PLA2G4E: variants seen among roughly 807,000 people sequenced by gnomAD.
PLA2G4E encodes the protein phospholipase A2 group IVE, also known as cytosolic phospholipase A2 epsilon.
Under a neutral mutation model 109.1 loss-of-function variants are expected in PLA2G4E, and 84 were observed. The observed-to-expected ratio is 0.77, with a 90% CI of 0.65 to 0.92. The LOEUF is 0.92. Among genes scored for constraint, PLA2G4E ranks in the 40% least tolerant of loss-of-function variants. The pLI is 0.00. For missense variants in PLA2G4E, 1,057 were observed against 1,076.6 expected (o/e 0.98, Z 0.25); for synonymous variants, 469 against 436.1 (o/e 1.08, Z -0.94).
At chr15:42,040,164 C>T (rs1044022694) in intron 1 of PLA2G4E, among the ~76,000 whole-genome samples, 11 of 151,740 alleles carry the variant, frequency 7.2e-5, no homozygotes, top group East Asian at 1.9e-4. Flanking sequence ...AGTGAGACCC[C>T]CTCCATCATT....
At chr15:42,001,047 G>T (rs908607102) in intron 7 of PLA2G4E, 110 bp downstream of exon 7, 8 of 1,121,186 alleles carry the variant, frequency 7.1e-6, no homozygotes, top group Middle Eastern at 2.9e-4. Context: ...CCGAGCTTTT[G>T]GTCCCCCTGA....
intron 4 of PLA2G4E, among the ~76,000 whole-genome samples, chr15:42,005,428 C>T (rs2141047706): frequency 6.6e-6 from 1 of 152,358 alleles, no homozygotes; most frequent in Non-Finnish European, 1.5e-5. Context: ...ACTTTCCCCA[C>T]CAGAATGTAA....
Position 42,007,790 on chromosome 15 carries a change from G to T in PLA2G4E, c.332C>A (p.Ser111Tyr), listed in dbSNP as rs772522673. Reference sequence around the variant, plus strand: ...ATTCCACTCTGGATTTGGGCAGTTGGAGATGGTCCTTGTCCTCAGCTTCTT... The same window carrying T: ...ATTCCACTCTGGATTTGGGCAGTTGTAGATGGTCCTTGTCCTCAGCTTCTT... The change falls in exon 3 of 20, where the codon TCC becomes TAC. Residue 111 changes from serine (S) to tyrosine (Y), a missense_variant. Transcript: ENST00000399518. 15 of 1,612,328 alleles carry T rather than the reference G, an allele frequency of 9.3e-6. No homozygotes were observed. In the East Asian group the frequency reaches 3.1e-4, roughly 34 times the overall value.
At chr15:42,018,792 T>G (rs1228058067) in intron 1 of PLA2G4E, among the ~76,000 whole-genome samples, 4 of 152,100 alleles carry the variant, frequency 2.6e-5, no homozygotes, top group Non-Finnish European at 5.9e-5. Flanking sequence ...TACTGGGGAC[T>G]GGGGGACCTT....
In PLA2G4E at chr15:42,013,675, G is replaced by T. The variant is rs188143557; in HGVS notation, c.256+10C>A. ...AAGCAGAGAAGGAGAGAAGTGAGGT[G>T]GATACTCACGCATATCAGCCTGCCG... On this transcript the variant is annotated intron_variant, in intron 2 of 19. Transcript: ENST00000399518. 426 of 1,548,346 alleles carry T rather than the reference G, an allele frequency of 2.8e-4. 1 individual carries two copies. The highest frequency in any genetic ancestry group is 2.9e-4 in the Non-Finnish European group (332 of 1,144,962).
rs544494728 is a variant in PLA2G4E, at chr15:41,989,946, A to AT, written c.1585+174dup. Among the ~76,000 whole-genome samples, 7 of 152,296 alleles carry AT rather than the reference A, an allele frequency of 4.6e-5. No individual in the cohort carries two copies. In the East Asian group the frequency reaches 1.4e-3, roughly 29 times the overall value. ...CAGACAGTGCCTGCCGGCCTCACCC[A>AT]TGCAGCAGGGCAGATTGGGGTAGCA... On this transcript the variant is annotated intron_variant, in intron 14 of 19. Transcript: ENST00000399518.
chr15:41,992,360 C>T (rs2068263967), intron 13 of PLA2G4E, among the ~76,000 whole-genome samples: 3 of 152,090 alleles, frequency 2.0e-5, no homozygotes, highest in South Asian at 2.1e-4. Flanking sequence ...GGGATGCTGC[C>T]GCCTGACCTT....
At chr15:41,989,482 G>A (rs769124346) in exon 15 of PLA2G4E, 14 of 1,613,858 alleles carry the variant, frequency 8.7e-6, no homozygotes, top group African/African-American at 2.7e-5. Flanking sequence ...ACTCGGAGCC[G>A]AAGAGCTCGG....
intron 19 of PLA2G4E, 48 bp from the exon 20 acceptor site, chr15:41,984,022 G>T: frequency 6.6e-7 from 1 of 1,517,604 alleles, no homozygotes; most frequent in Non-Finnish European, 9.0e-7. Flanking sequence ...TGTTAGGTTG[G>T]AATGACTTGT....
rs368387173 is a variant in PLA2G4E, at chr15:41,984,639, G to A, written c.2203-20C>T. ...CAGGGGCTGGAACAGCACAGAGGGC[G>A]TGTTTGAGCATTAGGAGGAGTGGGA... On this transcript the variant is annotated intron_variant, in intron 18 of 19. Coordinates refer to ENST00000399518, the Ensembl canonical transcript of PLA2G4E. 3.2e-6 allele frequency: 5 copies of A among 1,555,454 alleles called. No individual in the cohort carries two copies. The highest frequency in any genetic ancestry group is 4.5e-5 in the East Asian group (2 of 43,970).
At chr15:42,024,976 G>A (rs538896310) in intron 1 of PLA2G4E, among the ~76,000 whole-genome samples, 110 of 152,106 alleles carry the variant, frequency 7.2e-4, no homozygotes, top group African/African-American at 2.6e-3. Context: ...TGAGGTGGGT[G>A]GATCACGAGG....
Position 41,987,161 on chromosome 15 carries a change from G to C in PLA2G4E, c.2035+11C>G. On this transcript the variant is annotated intron_variant, in intron 17 of 19. Transcript: ENST00000399518. ...GGAGGCAGGCCTCAAGGAGTAGCCA[G>C]GTAGGGTTACCTTTCCACCTAGAGA... The C allele has an allele frequency of 1.2e-6, 2 of 1,609,372 alleles. No homozygotes were observed. Among genetic ancestry groups the C allele is most frequent in the Non-Finnish European group, 1.7e-6 (2 of 1,175,738 alleles).
intron 1 of PLA2G4E, among the ~76,000 whole-genome samples, chr15:42,015,324 G>C (rs2068578202): frequency 6.6e-6 from 1 of 152,076 alleles, no homozygotes; most frequent in Non-Finnish European, 1.5e-5. Flanking sequence ...CATCCTTCCT[G>C]CCTACCGAGG....
Position 41,997,107 on chromosome 15 carries a change from C to T in PLA2G4E, c.1110+17G>A. On this transcript the variant is annotated intron_variant, in intron 11 of 19. Coordinates refer to ENST00000399518, the Ensembl canonical transcript of PLA2G4E. ...GGACCAGCTGGGCCCAGGCTGGCCACATCCCTGATTACCCACCTCGTCCTC... is the reference window on the plus strand; with the variant it reads ...GGACCAGCTGGGCCCAGGCTGGCCATATCCCTGATTACCCACCTCGTCCTC... The T allele has an allele frequency of 6.4e-7, 1 of 1,552,114 alleles. No homozygotes were observed. Among genetic ancestry groups the T allele is most frequent in the South Asian group, 1.2e-5 (1 of 82,756 alleles).
intron 1 of PLA2G4E, among the ~76,000 whole-genome samples, chr15:42,018,429 A>G (rs1668562): frequency 0.72 from 109,195 of 152,030 alleles, 40,043 homozygotes; most frequent in Non-Finnish European, 0.79. Flanking sequence ...GAGTCAAACT[A>G]TTTAAGAACA....
exon 16 of PLA2G4E, chr15:41,988,104 T>C: frequency 3.1e-6 from 5 of 1,608,218 alleles, no homozygotes; most frequent in Non-Finnish European, 4.2e-6. Flanking sequence ...CCGAGGTGTG[T>C]GACAGGTTCC....
chr15:42,019,177 C>T (rs141490303), intron 1 of PLA2G4E, among the ~76,000 whole-genome samples: 41 of 152,326 alleles, frequency 2.7e-4, no homozygotes, highest in African/African-American at 9.1e-4. Flanking sequence ...TATGAATGTA[C>T]AGCACCAGCT....
At chr15:42,018,071 G>A (rs2068613435) in intron 1 of PLA2G4E, among the ~76,000 whole-genome samples, 1 of 152,210 alleles carries the variant, frequency 6.6e-6, no homozygotes, top group East Asian at 1.9e-4. Flanking sequence ...CAGGAATATG[G>A]GACTTAGCTC....
At chr15:41,986,946 TG>T (rs2068151236) in intron 17 of PLA2G4E, 1 of 581,920 alleles carries the variant, frequency 1.7e-6, no homozygotes, top group Middle Eastern at 4.6e-4. Flanking sequence ...ATAGAATGAC[TG>T]TACAGATGCA....
Sources: gnomAD v4.1 joint callset for allele counts (sites outside exome capture counted in the v4.1 genomes callset) on GRCh38, gnomAD v4.1.1 for gene constraint, MANE v1.5 for transcripts, NCBI Gene and HGNC (gene_info 2026-07-23, HGNC 2026-07-21) for gene names.